Variants in XRN2 observed in about 807,000 individuals in gnomAD.
The protein encoded by XRN2 is 5'-3' exoribonuclease 2.
XRN2 carries 44 observed loss-of-function variants against 138.5 expected under a neutral mutation model. The observed-to-expected ratio is 0.32, with a 90% CI of 0.25 to 0.41. XRN2 has a LOEUF of 0.41. XRN2 is among the 10% of genes least tolerant of loss of function. The pLI, the probability that XRN2 is intolerant of heterozygous loss-of-function variation, is 1.00. For synonymous variants in XRN2, 354 were observed against 369.4 expected, an observed-to-expected ratio of 0.96 and a Z score of 0.48; for missense variants, 937 against 1,169.3, an observed-to-expected ratio of 0.80 and a Z score of 2.90.
At chr20:21,328,464 G>T in intron 3 of XRN2, 95 bp from the exon 4 acceptor site, 2 of 1,172,078 alleles carry the variant, frequency 1.7e-6, no homozygotes, top group Non-Finnish European at 2.4e-6. Flanking sequence ...CCATTTTAGT[G>T]TACTGCTTTT....
intron 20 of XRN2, among the ~76,000 whole-genome samples, chr20:21,351,478 A>G (rs369087796): frequency 6.6e-6 from 1 of 152,148 alleles, no homozygotes; most frequent in East Asian, 1.9e-4. Context: ...TTTTTTATAT[A>G]TTCTAGACAT....
At chr20:21,381,958 A>T in intron 27 of XRN2, 36 bp from the exon 28 acceptor site, 4 of 1,564,482 alleles carry the variant, frequency 2.6e-6, no homozygotes, top group Non-Finnish European at 2.6e-6. Flanking sequence ...GGTTACTTTT[A>T]AAAATCTTCT....
At chr20:21,335,764 G>A (rs1214216716) in intron 13 of XRN2, among the ~76,000 whole-genome samples, 1 of 152,160 alleles carries the variant, frequency 6.6e-6, no homozygotes, top group Admixed American at 6.5e-5. Context: ...CTCTTTAGCC[G>A]ACTCTGCACC....
At chr20:21,324,632 T>A (rs2038097473) in intron 1 of XRN2, among the ~76,000 whole-genome samples, 1 of 152,132 alleles carries the variant, frequency 6.6e-6, no homozygotes, top group Admixed American at 6.5e-5. Flanking sequence ...TCCTCTAAGT[T>A]GATCTGTTTA....
intron 29 of XRN2, among the ~76,000 whole-genome samples, chr20:21,387,568 A>G (rs546348810): frequency 1.3e-5 from 2 of 152,248 alleles, no homozygotes; most frequent in Non-Finnish European, 2.9e-5. Context: ...CAAATTTAGT[A>G]TATGTAAGCT....
intron 1 of XRN2, among the ~76,000 whole-genome samples, chr20:21,304,348 CT>C (rs111498218): frequency 0.12 from 16,938 of 136,838 alleles, 1,091 homozygotes; most frequent in African/African-American, 0.21. Context: ...CTTATTTCTG[CT>C]TTTTTTTTTT....
chr20:21,386,661 C>T (rs2038939434), intron 28 of XRN2, among the ~76,000 whole-genome samples: 1 of 152,080 alleles, frequency 6.6e-6, no homozygotes, highest in Non-Finnish European at 1.5e-5. Flanking sequence ...TTTAAACATC[C>T]ATTGTAATAA....
At chr20:21,303,772 C>T in intron 1 of XRN2, 2 of 1,165,402 alleles carry the variant, frequency 1.7e-6, no homozygotes, top group Non-Finnish European at 2.1e-6. Context: ...CCGCCCACTG[C>T]TTTGTTTCCT....
At chr20:21,337,247 T>A (rs996037942) in intron 13 of XRN2, among the ~76,000 whole-genome samples, 46 of 152,230 alleles carry the variant, frequency 3.0e-4, no homozygotes, top group African/African-American at 1.1e-3. Context: ...TGAGGAGCCT[T>A]TTTTACAGTA....
chr20:21,304,498 A>G (rs866291249), intron 1 of XRN2, among the ~76,000 whole-genome samples: 43 of 152,134 alleles, frequency 2.8e-4, no homozygotes, highest in Middle Eastern at 3.4e-3. Context: ...ATCGAACTTT[A>G]TTGAACTTTA....
intron 15 of XRN2, among the ~76,000 whole-genome samples, chr20:21,341,228 C>A (rs1184121346): frequency 6.6e-6 from 1 of 152,192 alleles, no homozygotes; most frequent in African/African-American, 2.4e-5. Flanking sequence ...AGAAGCTTGT[C>A]AAGGGACATC....
At chr20:21,311,683 T>C (rs1204044501) in intron 1 of XRN2, among the ~76,000 whole-genome samples, 2 of 152,146 alleles carry the variant, frequency 1.3e-5, no homozygotes, top group Non-Finnish European at 2.9e-5. Context: ...TTTAGAACAT[T>C]TATATTTAAA....
At position 21,389,550 on chromosome 20, in the gene XRN2, G is replaced by T; in HGVS notation, c.*212G>T. On this transcript the variant is annotated 3_prime_UTR_variant, in exon 30 of 30. Transcript: ENST00000377191. ...ATACAGTGGATCTGAATTTATTATT[G>T]CTTATAAAACACATTTGATGGAATA... 1 of 429,448 alleles carries T rather than the reference G, an allele frequency of 2.3e-6. No individual in the cohort carries two copies. Among genetic ancestry groups the T allele is most frequent in the Non-Finnish European group, 4.1e-6 (1 of 244,466 alleles). 26.6% of individuals were successfully genotyped at this position (429,448 alleles called of 1,614,324 possible).
chr20:21,340,913 G>A, intron 15 of XRN2, 61 bp downstream of exon 15: 2 of 1,575,828 alleles, frequency 1.3e-6, no homozygotes, highest in Admixed American at 1.7e-5. Flanking sequence ...CTCTTGCAGG[G>A]GTGGTGTGTG....
chr20:21,345,932 T>C (rs1011487261), intron 16 of XRN2, among the ~76,000 whole-genome samples: 3 of 97,622 alleles, frequency 3.1e-5, no homozygotes, highest in Admixed American at 2.4e-4. Flanking sequence ...ATTATTCTTT[T>C]ATAAACTATT....
chr20:21,304,348 C>CTT (rs111498218), intron 1 of XRN2, among the ~76,000 whole-genome samples: 11 of 137,014 alleles, frequency 8.0e-5, no homozygotes, highest in Admixed American at 1.5e-4. Flanking sequence ...CTTATTTCTG[C>CTT]TTTTTTTTTT....
rs1415747495 is a variant in XRN2 at position 21,339,084 on chromosome 20, T to C, written c.1274T>C (p.Met425Thr). The change falls in exon 14 of 30, where the codon ATG becomes ACG. Residue 425 changes from methionine (M) to threonine (T), a missense_variant. Around this residue, in one of 6 missense-constraint regions of XRN2, gnomAD observed 471 missense variants for 581.2 expected, o/e 0.81. Coordinates refer to ENST00000377191, the MANE Select transcript of XRN2 (RefSeq NM_012255.5). ...CGACAGAAAGAAAAAAGAAAGAGAA[T>C]GAAGGTGAGTTTTAATTAATTTCAT... ...RRRQKEKRKR[M>T]KRDQPAFTPS... 1.9e-6 allele frequency: 3 copies of C among 1,605,242 alleles called. No individual in the cohort carries two copies. The highest frequency in any genetic ancestry group is 1.3e-5 in the African/African-American group (1 of 74,458).
At chr20:21,386,441 T>G (rs1387186138) in intron 28 of XRN2, among the ~76,000 whole-genome samples, 1 of 152,222 alleles carries the variant, frequency 6.6e-6, no homozygotes, top group African/African-American at 2.4e-5. Context: ...AACCTGCAAT[T>G]AAGTAGAAAG....
chr20:21,333,495 T>G, intron 9 of XRN2, 49 bp from the exon 10 acceptor site: 5 of 1,585,272 alleles, frequency 3.2e-6, no homozygotes, highest in Non-Finnish European at 4.3e-6. Context: ...TTGGAAAAAA[T>G]TACTGGACGT....
Sources: gnomAD v4.1 joint callset for allele counts (sites outside exome capture counted in the v4.1 genomes callset) on GRCh38, gnomAD v4.1.1 for gene constraint, gnomAD v4.1.1 regional missense constraint, MANE v1.5 for transcripts, NCBI Gene and HGNC (gene_info 2026-07-23, HGNC 2026-07-21) for gene names.